Variants in HMCN1 observed in about 807,000 individuals in gnomAD.
HMCN1 encodes the protein hemicentin 1, also known as hemicentin-1.
A neutral mutation model predicts 625.9 loss-of-function variants in HMCN1; 321 were observed. The observed-to-expected ratio is 0.51, with a 90% confidence interval of 0.47 to 0.56. The LOEUF is 0.56. HMCN1 is among the 20% of genes least tolerant of loss of function. HMCN1 has a pLI of 0.00. For missense variants in HMCN1, 6,588 were observed against 6,887.3 expected (o/e 0.96, Z 1.54); for synonymous variants, 2,425 against 2,417.6 (o/e 1.00, Z -0.09).
intron 46 of HMCN1, among the ~76,000 whole-genome samples, chr1:186,061,144 A>G (rs1657666494): frequency 6.6e-6 from 1 of 152,088 alleles, no homozygotes. Context: ...TAGCATCTGT[A>G]TTAGTCTGTT....
chr1:185,844,330 A>G (rs923614804), intron 1 of HMCN1, among the ~76,000 whole-genome samples: 1 of 152,150 alleles, frequency 6.6e-6, no homozygotes, highest in Admixed American at 6.5e-5. Flanking sequence ...CTCCTTTTTC[A>G]AACTGCAAAG....
intron 80 of HMCN1, among the ~76,000 whole-genome samples, chr1:186,122,350 A>T (rs969194925): frequency 6.6e-6 from 1 of 152,180 alleles, no homozygotes; most frequent in Admixed American, 6.5e-5. Context: ...CTAATACCTA[A>T]GTGGTGATCA....
chr1:186,063,394 G>T (rs1657880350), intron 48 of HMCN1, among the ~76,000 whole-genome samples: 1 of 137,204 alleles, frequency 7.3e-6, no homozygotes, highest in Non-Finnish European at 1.6e-5. Flanking sequence ...GAAAAGAAGG[G>T]AAGAAAGAGG....
intron 1 of HMCN1, among the ~76,000 whole-genome samples, chr1:185,740,597 C>T (rs1653917325): frequency 6.7e-6 from 1 of 150,050 alleles, no homozygotes. Context: ...GTAGATCTCT[C>T]ATGGACAGGT....
chr1:185,804,361 G>A (rs1480542676), intron 1 of HMCN1, among the ~76,000 whole-genome samples: 1 of 151,874 alleles, frequency 6.6e-6, no homozygotes, highest in African/African-American at 2.4e-5. Flanking sequence ...GTTGAGTTGT[G>A]GTCTGTTTGA....
chr1:185,937,926 A>G (rs919527776), intron 11 of HMCN1, among the ~76,000 whole-genome samples: 2 of 144,490 alleles, frequency 1.4e-5, no homozygotes, highest in Non-Finnish European at 3.1e-5. Context: ...AATAATAGTA[A>G]TAATAATAAG....
At chr1:185,800,411 A>G (rs1023757317) in intron 1 of HMCN1, among the ~76,000 whole-genome samples, 5 of 152,118 alleles carry the variant, frequency 3.3e-5, no homozygotes, top group African/African-American at 9.7e-5. Flanking sequence ...CCCCTTCATC[A>G]TGATCACCTT....
At chr1:186,060,725 A>G (rs1657631923) in intron 46 of HMCN1, among the ~76,000 whole-genome samples, 1 of 152,082 alleles carries the variant, frequency 6.6e-6, no homozygotes. Flanking sequence ...TCATTCTCCT[A>G]TCTTCCTTAT....
At chr1:185,974,575 C>T (rs920371149) in intron 15 of HMCN1, among the ~76,000 whole-genome samples, 2 of 152,054 alleles carry the variant, frequency 1.3e-5, no homozygotes, top group Non-Finnish European at 2.9e-5. Context: ...GTTCTTCTTC[C>T]CCATAGTTTC....
chr1:185,847,206 T>A (rs1223597304), intron 2 of HMCN1, among the ~76,000 whole-genome samples: 1 of 152,092 alleles, frequency 6.6e-6, no homozygotes, highest in African/African-American at 2.4e-5. Flanking sequence ...CATAACCTCA[T>A]TCCTGAATGA....
At chr1:186,084,344 G>A (rs1001751004) in intron 57 of HMCN1, among the ~76,000 whole-genome samples, 5 of 152,110 alleles carry the variant, frequency 3.3e-5, no homozygotes, top group Non-Finnish European at 5.9e-5. Context: ...AACACCTGAA[G>A]TGGGACAGTG....
intron 54 of HMCN1, among the ~76,000 whole-genome samples, chr1:186,076,879 C>T (rs1375194385): frequency 6.6e-6 from 1 of 152,138 alleles, no homozygotes; most frequent in African/African-American, 2.4e-5. Flanking sequence ...CTTTGGCTTC[C>T]TTGTGCCTCC....
chr1:186,047,317 C>T (rs1656642779), intron 41 of HMCN1, among the ~76,000 whole-genome samples: 1 of 152,124 alleles, frequency 6.6e-6, no homozygotes, highest in South Asian at 2.1e-4. Flanking sequence ...GCCCAGCATT[C>T]TAGAAAGCAT....
In HMCN1 at chr1:186,109,505, A is replaced by C. The variant is rs1356957566; in HGVS notation, c.10989+908A>C. ...CCTCAAAGAGCTCACTCACTATCTG[A>C]GAAGACAGGTTAGTCAAAGATTATA... On this transcript the variant is annotated intron_variant, in intron 71 of 106. Coordinates refer to ENST00000271588, the MANE Select transcript of HMCN1 (RefSeq NM_031935.3). Among the ~76,000 whole-genome samples the C allele has an allele frequency of 4.6e-5, 7 of 152,320 alleles. No individual in the cohort carries two copies. The East Asian group carries it at 1.4e-3, about 29-fold the overall frequency.
chr1:185,856,783 TA>T (rs1310578825), intron 2 of HMCN1, among the ~76,000 whole-genome samples: 1 of 152,134 alleles, frequency 6.6e-6, no homozygotes, highest in African/African-American at 2.4e-5. Context: ...ACAACTGATA[TA>T]AAAACGAGTT....
intron 1 of HMCN1, among the ~76,000 whole-genome samples, chr1:185,842,368 C>T (rs531220077): frequency 6.6e-6 from 1 of 152,090 alleles, no homozygotes; most frequent in Non-Finnish European, 1.5e-5. Context: ...ACCCAGCCAG[C>T]CTGGGCAACA....
chr1:186,014,800 T>A lies in HMCN1; in HGVS notation c.4631-359T>A, dbSNP rs191656360. Among the ~76,000 whole-genome samples the A allele has an allele frequency of 4.5e-3, 690 of 152,258 alleles. 25 individuals carry two copies. Among genetic ancestry groups the A allele is most frequent in the Admixed American group, 0.038 (574 of 15,258 alleles). ...GCATACAGTTGTACCACATGTGACATTTTTGCTCCCTTGGCCTGATTTGAA... is the reference window on the plus strand; with the variant it reads ...GCATACAGTTGTACCACATGTGACAATTTTGCTCCCTTGGCCTGATTTGAA... On this transcript the variant is annotated intron_variant, in intron 30 of 106. Transcript: ENST00000271588.
intron 71 of HMCN1, 141 bp downstream of exon 71, chr1:186,108,738 T>G: frequency 2.0e-6 from 2 of 1,020,554 alleles, no homozygotes; most frequent in Non-Finnish European, 2.9e-6. Flanking sequence ...AAGCACAGGG[T>G]TTTTAAATTA....
chr1:185,778,280 C>A (rs914754550), intron 1 of HMCN1, among the ~76,000 whole-genome samples: 34 of 151,930 alleles, frequency 2.2e-4, no homozygotes, highest in African/African-American at 8.0e-4. Flanking sequence ...CCATAGATAC[C>A]CTCTGTGTGT....
Sources: gnomAD v4.1 joint callset for allele counts (sites outside exome capture counted in the v4.1 genomes callset) on GRCh38, gnomAD v4.1.1 for gene constraint, MANE v1.5 for transcripts, NCBI Gene and HGNC (gene_info 2026-07-23, HGNC 2026-07-21) for gene names.